Variants in MEP1B observed in about 807,000 individuals in gnomAD.
The protein encoded by MEP1B is meprin A subunit beta.
A neutral mutation model predicts 84.6 loss-of-function variants in MEP1B; 80 were observed. The ratio of observed to expected loss-of-function variants is 0.95; its 90% CI spans 0.79 to 1.14. MEP1B has a LOEUF of 1.14. Among genes scored for constraint, MEP1B ranks in the 50% most tolerant of loss-of-function variants. The pLI is 0.00. For missense variants in MEP1B, 766 were observed against 855.1 expected (o/e 0.90, Z 1.30); for synonymous variants, 273 against 288.1 (o/e 0.95, Z 0.53).
At chr18:32,209,817 A>AG (rs1481389692) in intron 9 of MEP1B, among the ~76,000 whole-genome samples, 40 of 110,964 alleles carry the variant, frequency 3.6e-4, no homozygotes, top group African/African-American at 1.1e-3. Context: ...TTAAAAAAAA[A>AG]AGGGGGGCGG....
At chr18:32,216,940 G>A in intron 12 of MEP1B, 51 bp from the exon 13 acceptor site, 1 of 1,553,974 alleles carries the variant, frequency 6.4e-7, no homozygotes, top group Non-Finnish European at 8.7e-7. Context: ...AAGATCAAAT[G>A]ATTGTTAAAC....
Position 32,213,976 on chromosome 18 carries a change from A to C in MEP1B, c.1579+417A>C, listed in dbSNP as rs17805024. Among the ~76,000 whole-genome samples the C allele has an allele frequency of 1.1e-3, 160 of 152,284 alleles. 4 individuals are homozygous for C. The East Asian group carries it at 0.026, about 25-fold the overall frequency. ...GTAGTAATCATTCCACAGATTTGCT[A>C]TGAGAATTAGTACAGGTCAAGTGTG... On this transcript the variant is annotated intron_variant, in intron 11 of 14. Coordinates refer to ENST00000269202, the MANE Select transcript of MEP1B (RefSeq NM_005925.3).
chr18:32,199,448 T>C (rs745689292), intron 5 of MEP1B, among the ~76,000 whole-genome samples: 1 of 151,974 alleles, frequency 6.6e-6, no homozygotes, highest in Non-Finnish European at 1.5e-5. Flanking sequence ...GAAACATAGA[T>C]AAAAAACTAA....
intron 4 of MEP1B, among the ~76,000 whole-genome samples, chr18:32,194,038 C>G (rs2040828456): frequency 6.6e-6 from 1 of 152,060 alleles, no homozygotes; most frequent in African/African-American, 2.4e-5. Flanking sequence ...CCAAACTGTT[C>G]CTCCCCACTC....
intron 1 of MEP1B, 38 bp downstream of exon 1, chr18:32,190,171 T>G (rs753208878): frequency 3.3e-6 from 5 of 1,498,258 alleles, no homozygotes; most frequent in South Asian, 1.2e-5. Flanking sequence ...TTAAAAATTT[T>G]GGGGCAGTTG....
At chr18:32,217,378 AGTCATTT>A (rs2041102072) in intron 13 of MEP1B, among the ~76,000 whole-genome samples, 1 of 152,146 alleles carries the variant, frequency 6.6e-6, no homozygotes, top group Admixed American at 6.5e-5. Flanking sequence ...ATAACAGTCC[AGTCATTT>A]TAAGTGTAGC....
Position 32,215,231 on chromosome 18 carries a change from G to C in MEP1B, c.1729G>C (p.Asp577His), listed in dbSNP as rs780779232. ...RLKSRDFIKGDDVYILLTVED... is the reference protein window; with the variant it reads ...RLKSRDFIKGHDVYILLTVED... ...GAAAAGCAGAGATTTTATAAAAGGA[G>C]ATGATGTTTATATCCTACTGACAGT... The change falls in exon 12 of 15, where the codon GAT (aspartate) becomes CAT (histidine). Residue 577 changes from aspartate (D) to histidine (H), a missense_variant. By Grantham distance (81) the Asp-to-His change is moderately conservative. Coordinates refer to ENST00000269202, the MANE Select transcript of MEP1B (RefSeq NM_005925.3). 1.9e-6 allele frequency: 3 copies of C among 1,608,858 alleles called. No individual in the cohort carries two copies. The highest frequency in any genetic ancestry group is 2.5e-6 in the Non-Finnish European group (3 of 1,178,260).
At position 32,192,698 on chromosome 18, in the gene MEP1B, G is replaced by C. The variant is rs775082963; in HGVS notation, c.127+8G>C. ...TATTTGATATCAATGAAGGTTTGTG[G>C]ATTTTTTTTACATAATCTCTTAAGT... On this transcript the variant is annotated splice_region_variant and intron_variant, in intron 3 of 14. Coordinates refer to ENST00000269202, the MANE Select transcript of MEP1B (RefSeq NM_005925.3). The C allele has an allele frequency of 4.3e-6, 7 of 1,612,904 alleles. 1 individual carries two copies. The South Asian group carries it at 7.7e-5, about 18-fold the overall frequency.
rs2041107669 is a variant in MEP1B at position 32,217,796 on chromosome 18, A to G, written c.1922A>G (p.Glu641Gly). 1.2e-6 allele frequency: 2 copies of G among 1,613,464 alleles called. No individual in the cohort carries two copies. Among genetic ancestry groups the G allele is most frequent in the Admixed American group, 3.3e-5 (2 of 59,966 alleles). Residue 641 changes from glutamate (E) to glycine (G), a missense_variant, in exon 14 of 15, where the codon GAA (glutamate) becomes GGA (glycine). Glu to Gly is a moderately conservative substitution (Grantham distance 98). Transcript: ENST00000269202. Reference sequence around the variant, plus strand: ...GGGGAAGACTGGTGGTACATGGGAGAAAGGTGTGAAAAGAGAGGCTCCACC... The same window carrying G: ...GGGGAAGACTGGTGGTACATGGGAGGAAGGTGTGAAAAGAGAGGCTCCACC... ...QSGEDWWYMG[E>G]RCEKRGSTRD...
chr18:32,190,120 T>G lies in MEP1B; in HGVS notation c.50T>G (p.Val17Gly). 1 of 1,613,360 alleles carries G rather than the reference T, an allele frequency of 6.2e-7. No homozygotes were observed. Among genetic ancestry groups the G allele is most frequent in the Non-Finnish European group, 8.5e-7 (1 of 1,179,522 alleles). ...SWFLFLDALL[V>G]ISGLATPENF... is the part of the protein sequence containing the mutation. ...TTTCTGTTCTTGGATGCTCTTCTCG[T>G]GATTTCTGGCTTGGTAAGGAAACAG... The change falls in exon 1 of 15, where the codon GTG (valine) becomes GGG (glycine). Residue 17 changes from valine to glycine, a missense_variant. By Grantham distance (109) the Val-to-Gly change is moderately radical. Coordinates refer to ENST00000269202, the MANE Select transcript of MEP1B (RefSeq NM_005925.3).
In MEP1B at chr18:32,192,913, G is replaced by A. The variant is rs1376764334; in HGVS notation, c.171+96G>A. ...GATTAGACAGCATGAACTTTGTTAAGCCTAACTATCTCTAAGGGTGCAGAA... is the reference window on the plus strand; with the variant it reads ...GATTAGACAGCATGAACTTTGTTAAACCTAACTATCTCTAAGGGTGCAGAA... On this transcript the variant is annotated intron_variant, in intron 4 of 14. Coordinates refer to ENST00000269202, the MANE Select transcript of MEP1B (RefSeq NM_005925.3). 6.5e-6 allele frequency: 6 copies of A among 920,428 alleles called. No homozygotes were observed. The East Asian group carries it at 1.2e-4, about 19-fold the overall frequency. 57.0% of individuals were successfully genotyped at this position (920,428 alleles called of 1,614,324 possible). A position where few individuals can be genotyped will look rare whatever the true frequency, so the allele number is the denominator to read the frequency against.
chr18:32,195,779 C>CT (rs1366413426), intron 5 of MEP1B, among the ~76,000 whole-genome samples: 2 of 152,110 alleles, frequency 1.3e-5, no homozygotes, highest in Non-Finnish European at 2.9e-5. Flanking sequence ...GGGAGCCAGT[C>CT]TTTTTTTGTG....
At position 32,220,269 on chromosome 18, in the gene MEP1B, G is replaced by A. The variant is rs1222593516; in HGVS notation, c.*24G>A. The A allele has an allele frequency of 3.7e-6, 6 of 1,605,310 alleles. No individual in the cohort carries two copies. The highest frequency in any genetic ancestry group is 2.2e-5 in the East Asian group (1 of 44,774). On this transcript the variant is annotated 3_prime_UTR_variant, in exon 15 of 15. Transcript: ENST00000269202. The stretch of plus-strand genomic sequence containing the variant: ...GAAGATTAACTCGACAATATGGCCA[G>A]CTAATGAAATTAAAAAGGATTCTTC...
intron 11 of MEP1B, 90 bp downstream of exon 11, chr18:32,213,649 T>C (rs2041054573): frequency 6.2e-6 from 6 of 972,014 alleles, no homozygotes; most frequent in South Asian, 3.2e-5. Flanking sequence ...CACAGTTAGT[T>C]ACCTAGGGAA....
At chr18:32,204,016 T>C (rs2040938649) in intron 6 of MEP1B, among the ~76,000 whole-genome samples, 166 bp from the exon 7 acceptor site, 2 of 152,090 alleles carry the variant, frequency 1.3e-5, no homozygotes, top group African/African-American at 4.8e-5. Flanking sequence ...GGGACAATTG[T>C]CCAAACTATG....
chr18:32,191,729 A>G, intron 1 of MEP1B, 93 bp from the exon 2 acceptor site: 1 of 785,768 alleles, frequency 1.3e-6, no homozygotes, highest in Non-Finnish European at 2.1e-6. Context: ...TGACAAAACA[A>G]ACAAACAACA....
At chr18:32,193,833 T>G (rs1427306080) in intron 4 of MEP1B, among the ~76,000 whole-genome samples, 1 of 152,180 alleles carries the variant, frequency 6.6e-6, no homozygotes, top group Non-Finnish European at 1.5e-5. Context: ...CTGTGCTCTC[T>G]CTTGATCTCA....
At chr18:32,198,264 A>G (rs1482093036) in intron 5 of MEP1B, among the ~76,000 whole-genome samples, 6 of 152,210 alleles carry the variant, frequency 3.9e-5, no homozygotes, top group African/African-American at 1.4e-4. Context: ...ATGCCACCTC[A>G]GCTTTCAGAT....
At position 32,210,661 on chromosome 18, in the gene MEP1B, G is replaced by A. The variant is rs267605168; in HGVS notation, c.1080G>A (p.Arg360=). 6.2e-7 allele frequency: 1 copy of A among 1,613,940 alleles called. No individual in the cohort carries two copies. Among genetic ancestry groups the A allele is most frequent in the Non-Finnish European group, 8.5e-7 (1 of 1,179,870 alleles). The change falls in exon 10 of 15, where the codon AGG becomes AGA. Residue 360 remains arginine (R), a synonymous_variant. Transcript: ENST00000269202. ...SESDQLNIYI[R]EYSADNVDGN... ...GTGATCAACTGAACATCTATATCAGGGAGTATTCTGCAGACAATGTGGATG... is the reference window on the plus strand; with the variant it reads ...GTGATCAACTGAACATCTATATCAGAGAGTATTCTGCAGACAATGTGGATG...
Sources: gnomAD v4.1 joint callset for allele counts (sites outside exome capture counted in the v4.1 genomes callset) on GRCh38, gnomAD v4.1.1 for gene constraint, MANE v1.5 for transcripts, NCBI Gene and HGNC (gene_info 2026-07-23, HGNC 2026-07-21) for gene names.